Variants in TNNI3K observed in about 807,000 individuals in gnomAD.
TNNI3K encodes TNNI3 interacting kinase, also known as serine/threonine-protein kinase TNNI3K.
TNNI3K carries 140 observed loss-of-function variants against 114.5 expected under a neutral mutation model. The ratio of observed to expected loss-of-function variants is 1.22; its 90% CI spans 1.07 to 1.41. TNNI3K has a LOEUF of 1.41. TNNI3K is among the 40% of genes most tolerant of loss of function. The probability of loss-of-function intolerance (pLI) is 0.00; values close to 1 mark genes in which losing one functional copy is unlikely to be tolerated. For synonymous variants in TNNI3K, 347 were observed against 347.5 expected (o/e 1.00, Z 0.02); for missense variants, 1,125 against 1,007.6 (o/e 1.12, Z -1.58).
At chr1:74,370,604 C>A (rs760233156) in intron 17 of TNNI3K, 14 of 368,322 alleles carry the variant, frequency 3.8e-5, no homozygotes, top group Non-Finnish European at 5.3e-5. Context: ...TCTTTTAAAT[C>A]TATGAAGAAT....
intron 7 of TNNI3K, 106 bp downstream of exon 7, chr1:74,336,255 G>A: frequency 7.3e-7 from 1 of 1,367,786 alleles, no homozygotes; most frequent in Non-Finnish European, 9.6e-7. Context: ...TAATCCTGTA[G>A]TCATGTACTT....
chr1:74,375,016 T>C (rs575517002), intron 17 of TNNI3K: 2 of 152,152 alleles, frequency 1.3e-5, no homozygotes, highest in East Asian at 1.9e-4. Flanking sequence ...TATAAAGATA[T>C]AGTATTATAT....
At chr1:74,404,513 A>G (rs1664520347) in intron 17 of TNNI3K, among the ~76,000 whole-genome samples, 1 of 152,196 alleles carries the variant, frequency 6.6e-6, no homozygotes, top group South Asian at 2.1e-4. Context: ...ACACTTCAGC[A>G]TACATCAGAA....
At chr1:74,290,208 A>G (rs898572146) in intron 5 of TNNI3K, among the ~76,000 whole-genome samples, 6 of 43,166 alleles carry the variant, frequency 1.4e-4, no homozygotes, top group African/African-American at 4.9e-4. Context: ...GCCATTCTAT[A>G]TTTCTTTTTT....
intron 20 of TNNI3K, among the ~76,000 whole-genome samples, chr1:74,439,934 ATG>A (rs1171848468): frequency 1.3e-5 from 2 of 152,068 alleles, no homozygotes; most frequent in Non-Finnish European, 2.9e-5. Flanking sequence ...AAGGTGGACA[ATG>A]TGATATTTAT....
At chr1:74,318,510 C>T (rs189043263) in intron 5 of TNNI3K, among the ~76,000 whole-genome samples, 2 of 152,194 alleles carry the variant, frequency 1.3e-5, no homozygotes, top group Non-Finnish European at 2.9e-5. Flanking sequence ...CGGGCACATG[C>T]TCTGTGCCAG....
chr1:74,505,997 T>G (rs1158325365), intron 23 of TNNI3K, among the ~76,000 whole-genome samples: 2 of 151,824 alleles, frequency 1.3e-5, no homozygotes, highest in Non-Finnish European at 2.9e-5. Context: ...TCACTTTTTG[T>G]TTTTTTGGCC....
chr1:74,369,613 T>C (rs201481491), intron 16 of TNNI3K, 28 bp downstream of exon 16: 5 of 1,548,528 alleles, frequency 3.2e-6, no homozygotes, highest in Non-Finnish European at 4.3e-6. Context: ...TGATTTATCC[T>C]TGGACATTCC....
chr1:74,295,116 T>G (rs937197514), intron 5 of TNNI3K, among the ~76,000 whole-genome samples: 3 of 152,104 alleles, frequency 2.0e-5, no homozygotes, highest in Non-Finnish European at 4.4e-5. Flanking sequence ...CATTATTATT[T>G]GTCTCATGGG....
At chr1:74,313,966 C>G (rs1659143471) in intron 5 of TNNI3K, among the ~76,000 whole-genome samples, 1 of 150,904 alleles carries the variant, frequency 6.6e-6, no homozygotes, top group Non-Finnish European at 1.5e-5. Flanking sequence ...AGACTGAAGT[C>G]TTAACCGATA....
chr1:74,396,928 G>A (rs1202012182), intron 17 of TNNI3K, among the ~76,000 whole-genome samples: 1 of 152,200 alleles, frequency 6.6e-6, no homozygotes, highest in Admixed American at 6.5e-5. Flanking sequence ...CTAAGAAGCT[G>A]CAAAAGACTG....
chr1:74,448,285 A>T (rs958157968), intron 20 of TNNI3K, among the ~76,000 whole-genome samples: 1 of 141,560 alleles, frequency 7.1e-6, no homozygotes, highest in African/African-American at 2.7e-5. Context: ...AAAAAAAAAG[A>T]ATGCTTGTGA....
intron 20 of TNNI3K, among the ~76,000 whole-genome samples, chr1:74,453,002 C>G (rs1424525437): frequency 6.6e-6 from 1 of 152,118 alleles, no homozygotes; most frequent in Non-Finnish European, 1.5e-5. Flanking sequence ...CTTAATTCTC[C>G]AATATCAAGT....
At chr1:74,442,713 T>C (rs1442427027) in intron 20 of TNNI3K, among the ~76,000 whole-genome samples, 1 of 152,108 alleles carries the variant, frequency 6.6e-6, no homozygotes, top group African/African-American at 2.4e-5. Flanking sequence ...TTTGTGTCTC[T>C]TGATATATTG....
Position 74,489,229 on chromosome 1 carries a change from A to G in TNNI3K, c.2162A>G (p.Glu721Gly). The change falls in exon 22 of 25, where the codon GAG becomes GGG. Residue 721 changes from glutamate to glycine, a missense_variant. Physicochemically the swap from Glu to Gly is moderately conservative, Grantham distance 98 (BLOSUM62 -2). Coordinates refer to ENST00000326637, the MANE Select transcript of TNNI3K (RefSeq NM_015978.3). ...TCTGAAGTTGTCATGAAGTTAGAAG[A>G]GTGTCTCTGCAACATTGAGGTAAAA... ...EFSEVVMKLEECLCNIELMSP... is the reference protein window; with the variant it reads ...EFSEVVMKLEGCLCNIELMSP... 1.2e-6 allele frequency: 2 copies of G among 1,612,338 alleles called. No homozygotes were observed. The highest frequency in any genetic ancestry group is 1.7e-6 in the Non-Finnish European group (2 of 1,179,264).
At chr1:74,254,349 T>A (rs953386408) in intron 4 of TNNI3K, among the ~76,000 whole-genome samples, 2 of 152,230 alleles carry the variant, frequency 1.3e-5, no homozygotes, top group Non-Finnish European at 2.9e-5. Context: ...TCAAGTTTTA[T>A]CAATTGTCCC....
chr1:74,422,383 C>T lies in TNNI3K; in HGVS notation c.1773-13697C>T, dbSNP rs186519646. On this transcript the variant is annotated intron_variant, in intron 17 of 24. Transcript: ENST00000326637. ...AAAAACACTATATGTCAGGTTTATG[C>T]TAGAGGATTTTTTCCACAAGTATTA... 6.6e-5 allele frequency among the ~76,000 whole-genome samples: 10 copies of T among 152,162 alleles called. 1 individual carries two copies. In the East Asian group the frequency reaches 1.9e-3, roughly 29 times the overall value.
chr1:74,465,621 G>C (rs538378581), intron 21 of TNNI3K, among the ~76,000 whole-genome samples: 1 of 152,180 alleles, frequency 6.6e-6, no homozygotes, highest in African/African-American at 2.4e-5. Flanking sequence ...CCCACCGACC[G>C]CCCAAAGGCT....
intron 21 of TNNI3K, among the ~76,000 whole-genome samples, chr1:74,466,097 C>G (rs985097429): frequency 1.3e-5 from 2 of 152,150 alleles, no homozygotes; most frequent in East Asian, 3.9e-4. Flanking sequence ...GACCACGAAC[C>G]CACCAGAAGG....
Sources: allele counts gnomAD v4.1 joint callset (sites outside exome capture counted in the v4.1 genomes callset), GRCh38; gene constraint gnomAD v4.1.1; transcripts MANE v1.5; gene names NCBI Gene and HGNC (gene_info 2026-07-23, HGNC 2026-07-21).